The following RFT1 variants were observed in gnomAD, a reference collection of about 807,000 sequenced individuals.
RFT1 encodes the protein RFT1 glycolipid translocator homolog, also known as man(5)GlcNAc(2)-PP-dolichol translocation protein RFT1.
In RFT1, 43 loss-of-function variants were observed where a neutral mutation model predicts 62.2. The ratio of observed to expected loss-of-function variants is 0.69; its 90% confidence interval spans 0.54 to 0.89. The LOEUF is 0.89. Among genes scored for constraint, RFT1 ranks in the 40% least tolerant of loss-of-function variants. The pLI, the probability that RFT1 is intolerant of heterozygous loss-of-function variation, is 0.00. For synonymous variants in RFT1, 262 were observed against 264.6 expected (o/e 0.99, Z 0.10); for missense variants, 605 against 649.9 (o/e 0.93, Z 0.75).
chr3:53,091,464 TTCTC>T lies in RFT1; in HGVS notation c.*435_*438del, dbSNP rs1341482075. 2 of 204,868 alleles carry T rather than the reference TTCTC, an allele frequency of 9.8e-6. No homozygotes were observed. Among genetic ancestry groups the T allele is most frequent in the South Asian group, 1.6e-4 (2 of 12,452 alleles). 12.7% of individuals were successfully genotyped at this position (204,868 alleles called of 1,614,324 possible). A position where few individuals can be genotyped will look rare whatever the true frequency, so the allele number is the denominator to read the frequency against. The stretch of plus-strand genomic sequence containing the variant: ...CATGTGGTGCATGAGAGAGAGAGGT[TTCTC>T]TCTCTCTTTTACAGAAGAAGTTCAA... On this transcript the variant is annotated 3_prime_UTR_variant, in exon 13 of 13. Transcript: ENST00000296292.
At chr3:53,117,141 G>C (rs1701832703) in intron 6 of RFT1, among the ~76,000 whole-genome samples, 2 of 152,198 alleles carry the variant, frequency 1.3e-5, no homozygotes, top group African/African-American at 4.8e-5. Context: ...TTTCTTGTCT[G>C]TAAAATGGAG....
chr3:53,112,826 G>A (rs1701690056), intron 6 of RFT1, among the ~76,000 whole-genome samples: 1 of 152,120 alleles, frequency 6.6e-6, no homozygotes. Flanking sequence ...TAGGGTAGAG[G>A]TCAACCTATT....
At chr3:53,078,175 C>G in the RFT1 span, 2 of 152,242 alleles carry the variant, frequency 1.3e-5, no homozygotes, top group African/African-American at 2.4e-5. Context: ...AGGATATTCA[C>G]TTAACAGTTT....
chr3:53,070,526 C>G, the RFT1 span, among the ~76,000 whole-genome samples: 1 of 151,020 alleles, frequency 6.6e-6, no homozygotes, highest in Non-Finnish European at 1.5e-5. Flanking sequence ...CTCAGCTTCC[C>G]GAGTAGCTGG....
At chr3:53,106,298 C>CT (rs1559588102) in intron 8 of RFT1, among the ~76,000 whole-genome samples, 1 of 152,078 alleles carries the variant, frequency 6.6e-6, no homozygotes. Context: ...CATATATACC[C>CT]TTTACCCAGT....
the RFT1 span, among the ~76,000 whole-genome samples, chr3:53,067,610 T>C: frequency 6.6e-6 from 1 of 152,194 alleles, no homozygotes; most frequent in East Asian, 1.9e-4. Context: ...AGCTGTATTA[T>C]GCATTCATGA....
chr3:53,067,101 G>A, the RFT1 span, among the ~76,000 whole-genome samples: 1 of 152,238 alleles, frequency 6.6e-6, no homozygotes, highest in Non-Finnish European at 1.5e-5. Context: ...GCCGAGGCGG[G>A]CGGAGCGCTT....
chr3:53,082,892 G>A, the RFT1 span, among the ~76,000 whole-genome samples: 1 of 152,076 alleles, frequency 6.6e-6, no homozygotes, highest in African/African-American at 2.4e-5. Flanking sequence ...CCCTGTTCGT[G>A]TACTTCAAAA....
the RFT1 span, among the ~76,000 whole-genome samples, chr3:53,067,206 C>T: frequency 1.3e-5 from 2 of 152,082 alleles, no homozygotes; most frequent in Non-Finnish European, 2.9e-5. Context: ...ATCAGCCGGG[C>T]ACGGTGGAGC....
At chr3:53,098,801 C>A (rs868601343) in intron 11 of RFT1, among the ~76,000 whole-genome samples, 8 of 57,634 alleles carry the variant, frequency 1.4e-4, no homozygotes, top group Admixed American at 9.1e-4. Flanking sequence ...GACTCCATCT[C>A]AAAAAAAAAA....
intron 1 of RFT1, 116 bp downstream of exon 1, chr3:53,130,222 T>C (rs571269952): frequency 3.6e-5 from 37 of 1,039,744 alleles, no homozygotes; most frequent in Non-Finnish European, 4.8e-5. Flanking sequence ...CCCCCTCCAT[T>C]GCGGGGTCCA....
intron 12 of RFT1, 134 bp downstream of exon 12, chr3:53,092,235 A>G (rs961185726): frequency 4.9e-6 from 7 of 1,430,212 alleles, no homozygotes; most frequent in African/African-American, 1.4e-5. Context: ...CTCTTGTCAC[A>G]TTATCAGAAG....
At chr3:53,075,828 G>A in the RFT1 span, among the ~76,000 whole-genome samples, 2 of 152,220 alleles carry the variant, frequency 1.3e-5, no homozygotes, top group Non-Finnish European at 2.9e-5. Context: ...GGGGAGACGA[G>A]ACACAGGGAA....
At chr3:53,085,686 C>T (rs985553114), downstream of RFT1, 4 of 152,136 alleles carry the variant, frequency 2.6e-5, no homozygotes, top group Non-Finnish European at 4.4e-5. Flanking sequence ...GACAGAGTTC[C>T]GGGCACACTT....
chr3:53,085,762 C>T (rs1369272660), downstream of RFT1: 2 of 152,210 alleles, frequency 1.3e-5, no homozygotes, highest in African/African-American at 4.8e-5. Context: ...CCAGCACTTT[C>T]TTTTTAAGCC....
chr3:53,121,933 T>C (rs1701980886), intron 4 of RFT1, 133 bp from the exon 5 acceptor site: 2 of 732,990 alleles, frequency 2.7e-6, no homozygotes, highest in Non-Finnish European at 4.8e-6. Context: ...GACATAAGTA[T>C]CAGTAACGTT....
chr3:53,104,805 A>C (rs1287712447), intron 9 of RFT1, among the ~76,000 whole-genome samples: 1 of 152,242 alleles, frequency 6.6e-6, no homozygotes, highest in African/African-American at 2.4e-5. Context: ...TGAAGCTCCT[A>C]CAACAAAATA....
chr3:53,091,839 T>A lies in RFT1; in HGVS notation c.*64A>T. 1 of 1,561,582 alleles carries A rather than the reference T, an allele frequency of 6.4e-7. No homozygotes were observed. The highest frequency in any genetic ancestry group is 8.8e-7 in the Non-Finnish European group (1 of 1,133,914). On this transcript the variant is annotated 3_prime_UTR_variant, in exon 13 of 13. Transcript: ENST00000296292. ...CTCAGTGGGGCTCTTACACAGAATG[T>A]GTTCCACCCACAGAACTACCCATAG...
intron 6 of RFT1, among the ~76,000 whole-genome samples, chr3:53,118,718 C>T (rs1448047525): frequency 2.0e-5 from 3 of 152,052 alleles, no homozygotes; most frequent in Non-Finnish European, 4.4e-5. Context: ...GCAGAGACAA[C>T]GTGGCAATAT....
Sources: allele counts gnomAD v4.1 joint callset (sites outside exome capture counted in the v4.1 genomes callset), GRCh38; gene constraint gnomAD v4.1.1; transcripts MANE v1.5; gene names NCBI Gene and HGNC (gene_info 2026-07-23, HGNC 2026-07-21).